The following DOCK9 variants were observed in gnomAD, a reference collection of about 807,000 sequenced individuals.
The protein encoded by DOCK9 is dedicator of cytokinesis protein 9.
A neutral mutation model predicts 263.3 loss-of-function variants in DOCK9; 89 were observed. That is an observed-to-expected ratio of 0.34 (90% CI 0.28 to 0.40). DOCK9 has a LOEUF of 0.40. Among genes scored for constraint, DOCK9 ranks in the 10% least tolerant of loss-of-function variants. DOCK9 has a pLI of 1.00. For missense variants in DOCK9, 2,140 were observed against 2,603.4 expected, an observed-to-expected ratio of 0.82 and a Z score of 3.87; for synonymous variants, 976 against 973.1, an observed-to-expected ratio of 1.00 and a Z score of -0.06.
intron 1 of DOCK9, among the ~76,000 whole-genome samples, chr13:98,983,987 G>A (rs565252532): frequency 6.6e-6 from 1 of 152,126 alleles, no homozygotes; most frequent in Non-Finnish European, 1.5e-5. Context: ...TTATCACCTA[G>A]TCTAGTGTCT....
At chr13:99,071,920 G>A (rs1204150271) in intron 1 of DOCK9, among the ~76,000 whole-genome samples, 2 of 152,006 alleles carry the variant, frequency 1.3e-5, no homozygotes, top group Non-Finnish European at 2.9e-5. Context: ...CCTCATCATG[G>A]GGCATTAGTT....
Position 98,831,899 on chromosome 13 carries a change from A to C in DOCK9, c.4315-113T>G. On this transcript the variant is annotated intron_variant, in intron 39 of 52. Coordinates refer to ENST00000682017, the MANE Select transcript of DOCK9 (RefSeq NM_001366683.2). ...TAAGTATTAAGACAACTTATACTTT[A>C]AACAAACTCTGCCTTGAATCCTCTA... 3.9e-6 allele frequency: 5 copies of C among 1,291,214 alleles called. No homozygotes were observed. In the South Asian group the frequency reaches 6.1e-5, roughly 16 times the overall value. The allele number at this position is 1,291,214 out of a possible 1,614,324, so 80.0% of individuals were successfully genotyped here.
chr13:98,809,028 A>G (rs1331487746), intron 47 of DOCK9: 9 of 1,442,490 alleles, frequency 6.2e-6, no homozygotes, highest in African/African-American at 1.5e-5. Flanking sequence ...TGTAATAACT[A>G]GACAGATAAA....
intron 27 of DOCK9, among the ~76,000 whole-genome samples, chr13:98,879,540 G>A (rs570238624): frequency 6.6e-6 from 1 of 152,282 alleles, no homozygotes; most frequent in South Asian, 2.1e-4. Context: ...CAAACGTGAA[G>A]ATTTCTAAGC....
At chr13:99,055,521 A>G (rs2040878843) in intron 1 of DOCK9, among the ~76,000 whole-genome samples, 2 of 152,170 alleles carry the variant, frequency 1.3e-5, no homozygotes, top group Admixed American at 1.3e-4. Flanking sequence ...AATGGGAGAA[A>G]TTAGAAGAGA....
In DOCK9 at chr13:98,840,280, G is replaced by A. The variant is rs544990401; in HGVS notation, c.4199-2671C>T. ...TTTGACCCGGGCAAGTAAGGAGTGC[G>A]GTGTGAAGCACACTGATTTCCACTA... On this transcript the variant is annotated intron_variant, in intron 38 of 52. Transcript: ENST00000682017. Among the ~76,000 whole-genome samples, 14 of 152,248 alleles carry A rather than the reference G, an allele frequency of 9.2e-5. No individual in the cohort carries two copies. The East Asian group carries it at 1.7e-3, about 19-fold the overall frequency.
chr13:98,923,346 G>A lies in DOCK9; in HGVS notation c.442C>T (p.Pro148Ser), dbSNP rs1423111166. ...PNKVVKLDKLPVHVYEVDEEV... is the reference protein window; with the variant it reads ...PNKVVKLDKLSVHVYEVDEEV... ...TCGTCAACTTCATAGACATGAACTG[G>A]AAGTTTATCCAACTTGACCACTTTG... The change falls in exon 5 of 53, where the codon CCA (proline) becomes TCA (serine). Residue 148 changes from proline to serine, a missense_variant. Physicochemically the swap from Pro to Ser is moderately conservative, Grantham distance 74. This residue lies in a region of DOCK9 where 1,521 missense variants were observed against 1,741.7 expected (regional missense o/e 0.87). Coordinates refer to ENST00000682017, the MANE Select transcript of DOCK9 (RefSeq NM_001366683.2). The A allele has an allele frequency of 1.7e-5, 27 of 1,613,860 alleles. No homozygotes were observed. The highest frequency in any genetic ancestry group is 1.6e-4 in the Middle Eastern group (1 of 6,062).
chr13:98,824,148 G>A (rs2092422667), intron 45 of DOCK9, among the ~76,000 whole-genome samples: 1 of 152,240 alleles, frequency 6.6e-6, no homozygotes, highest in Admixed American at 6.5e-5. Context: ...CTCAAGCACT[G>A]AGCCTCACTT....
intron 1 of DOCK9, among the ~76,000 whole-genome samples, chr13:99,081,308 G>A (rs150250744): frequency 4.9e-4 from 75 of 152,346 alleles, no homozygotes; most frequent in African/African-American, 1.5e-3. Context: ...GGGGCAGTGA[G>A]GGAAGCCTCA....
At position 98,938,612 on chromosome 13, in the gene DOCK9, G is replaced by A. The variant is rs1052571757; in HGVS notation, c.244-8355C>T. Among the ~76,000 whole-genome samples, 6 of 152,310 alleles carry A rather than the reference G, an allele frequency of 3.9e-5. No individual in the cohort carries two copies. The South Asian group carries it at 1.0e-3, about 26-fold the overall frequency. ...TTATGGAAAGAATCGTTGGGTAAAA[G>A]GCAGGGAAGATTCACTATGTAGATT... On this transcript the variant is annotated intron_variant, in intron 2 of 52. Transcript: ENST00000682017.
intron 15 of DOCK9, among the ~76,000 whole-genome samples, chr13:98,892,487 T>C (rs1462162320): frequency 1.3e-5 from 2 of 152,158 alleles, no homozygotes; most frequent in Admixed American, 6.6e-5. Context: ...CCTAAAAGCT[T>C]TGGTGTCACT....
rs568665198 is a variant in DOCK9, at chr13:98,888,208, T to C, written c.1993A>G (p.Ile665Val). 5.0e-6 allele frequency: 8 copies of C among 1,610,314 alleles called. No homozygotes were observed. Among genetic ancestry groups the C allele is most frequent in the Admixed American group, 1.7e-5 (1 of 59,484 alleles). Residue 665 changes from isoleucine to valine, a missense_variant, in exon 18 of 53, where the codon ATT (isoleucine) becomes GTT (valine). Ile to Val is a conservative substitution (Grantham distance 29). Transcript: ENST00000682017. ...KSFAKARNIA[I>V]CIEFKDSDEE... ...TCTGAATCTTTGAATTCAATGCAAA[T>C]CGCAATATTTCTAGCCTGCAGCAAT... is the stretch of plus-strand genomic sequence containing the variant.
chr13:98,993,500 A>G (rs1238108139), intron 1 of DOCK9, among the ~76,000 whole-genome samples: 7 of 152,264 alleles, frequency 4.6e-5, no homozygotes, highest in African/African-American at 1.7e-4. Flanking sequence ...AGAAGCAATC[A>G]GAAATAACAA....
chr13:99,041,055 C>T (rs1490864497), intron 1 of DOCK9, among the ~76,000 whole-genome samples: 1 of 152,148 alleles, frequency 6.6e-6, no homozygotes, highest in African/African-American at 2.4e-5. Context: ...TATGGGGCCA[C>T]TGGACATCTG....
intron 45 of DOCK9, among the ~76,000 whole-genome samples, chr13:98,813,585 T>C (rs753941338): frequency 6.6e-6 from 1 of 152,098 alleles, no homozygotes; most frequent in Non-Finnish European, 1.5e-5. Flanking sequence ...CATGATGCAT[T>C]TCTCTGTTTT....
intron 20 of DOCK9, chr13:98,885,429 T>A (rs2142900670): frequency 5.7e-6 from 3 of 528,720 alleles, no homozygotes; most frequent in East Asian, 4.2e-5. Flanking sequence ...CATGGCGAAA[T>A]CCCGTCTCTA....
At position 98,888,163 on chromosome 13, in the gene DOCK9, G is replaced by A. The variant is rs750627318; in HGVS notation, c.2038C>T (p.Leu680Phe). 1 of 1,598,986 alleles carries A rather than the reference G, an allele frequency of 6.3e-7. No individual in the cohort carries two copies. Among genetic ancestry groups the A allele is most frequent in the South Asian group, 1.1e-5 (1 of 87,434 alleles). ...KDSDEEDSQPLKCIYGRPGGP... is the reference protein window; with the variant it reads ...KDSDEEDSQPFKCIYGRPGGP... ...TATATTAAAAAAAAACAAACCTTAAGGGGCTGAGAGTCTTCCTCATCTGAA... is the reference window on the plus strand; with the variant it reads ...TATATTAAAAAAAAACAAACCTTAAAGGGCTGAGAGTCTTCCTCATCTGAA... The change falls in exon 18 of 53, where the codon CTT becomes TTT. Residue 680 changes from leucine (L) to phenylalanine (F), a missense_variant. Leu to Phe is a conservative substitution (Grantham distance 22, BLOSUM62 0). This residue lies in a region of DOCK9 where 1,521 missense variants were observed against 1,741.7 expected (regional missense o/e 0.87). Coordinates refer to ENST00000682017, the MANE Select transcript of DOCK9 (RefSeq NM_001366683.2).
At chr13:98,958,799 C>T (rs2058344285) in intron 1 of DOCK9, among the ~76,000 whole-genome samples, 1 of 152,152 alleles carries the variant, frequency 6.6e-6, no homozygotes, top group Non-Finnish European at 1.5e-5. Flanking sequence ...GATATGTTTA[C>T]AACTCTTAAC....
chr13:99,088,008 C>G (rs1478655213), upstream of DOCK9: 1 of 152,228 alleles, frequency 6.6e-6, no homozygotes, highest in African/African-American at 2.4e-5. Context: ...TGGCCTGAAG[C>G]GTAATCTTAA....
Sources: allele counts gnomAD v4.1 joint callset (sites outside exome capture counted in the v4.1 genomes callset), GRCh38; gene constraint gnomAD v4.1.1; regional missense constraint gnomAD v4.1.1; transcripts MANE v1.5; gene names NCBI Gene and HGNC (gene_info 2026-07-23, HGNC 2026-07-21).